Variants in TTLL11 observed in about 807,000 individuals in gnomAD.
TTLL11 encodes the protein tubulin tyrosine ligase like 11.
In TTLL11, 42 loss-of-function variants were observed where a neutral mutation model predicts 51.7. The observed-to-expected ratio is 0.81, with a 90% confidence interval of 0.64 to 1.05. The LOEUF (loss-of-function observed/expected upper bound fraction) is 1.05, where lower values mean the gene tolerates loss of function less well. TTLL11 is among the 50% of genes least tolerant of loss of function. The pLI, the probability that TTLL11 is intolerant of heterozygous loss-of-function variation, is 0.00. For synonymous variants in TTLL11, 381 were observed against 383.5 expected, an observed-to-expected ratio of 0.99 and a Z score of 0.08; for missense variants, 799 against 940.4, an observed-to-expected ratio of 0.85 and a Z score of 1.97.
chr9:121,959,740 C>T (rs1842152429), intron 6 of TTLL11, among the ~76,000 whole-genome samples: 1 of 152,062 alleles, frequency 6.6e-6, no homozygotes, highest in Non-Finnish European at 1.5e-5. Context: ...AAACATAAAC[C>T]TCATCGTGTC....
chr9:122,061,416 C>A (rs1471472783), intron 1 of TTLL11, among the ~76,000 whole-genome samples: 1 of 152,160 alleles, frequency 6.6e-6, no homozygotes, highest in Non-Finnish European at 1.5e-5. Flanking sequence ...TTTTCCATTA[C>A]ACAGAACACT....
chr9:122,029,676 T>C (rs1844467190), intron 3 of TTLL11, among the ~76,000 whole-genome samples: 1 of 152,210 alleles, frequency 6.6e-6, no homozygotes, highest in East Asian at 1.9e-4. Flanking sequence ...AAAGTTACAG[T>C]AAGCTAAGGC....
At chr9:121,962,789 T>C (rs909550909) in intron 6 of TTLL11, among the ~76,000 whole-genome samples, 1 of 152,232 alleles carries the variant, frequency 6.6e-6, no homozygotes, top group Admixed American at 6.5e-5. Context: ...TTGTGAACAT[T>C]ATTGAAAATA....
At position 121,984,853 on chromosome 9, in the gene TTLL11, T is replaced by C. The variant is rs569306055; in HGVS notation, c.1269+4342A>G. Among the ~76,000 whole-genome samples, 4 of 152,160 alleles carry C rather than the reference T, an allele frequency of 2.6e-5. No homozygotes were observed. In the East Asian group the frequency reaches 7.7e-4, roughly 29 times the overall value. On this transcript the variant is annotated intron_variant, in intron 4 of 8. Transcript: ENST00000321582. Reference sequence around the variant, plus strand: ...TCCTCTGCATGTGTTATTTCTGCCATATGATTCATCTACACTGAGACAGGC... The same window carrying C: ...TCCTCTGCATGTGTTATTTCTGCCACATGATTCATCTACACTGAGACAGGC...
intron 6 of TTLL11, among the ~76,000 whole-genome samples, chr9:121,916,919 C>T (rs2131513814): frequency 6.6e-6 from 1 of 152,270 alleles, no homozygotes; most frequent in East Asian, 1.9e-4. Flanking sequence ...CTGTTGCAGA[C>T]ACAATTAAAG....
In TTLL11 at chr9:121,821,271, A is replaced by G. The variant is rs983902722; in HGVS notation, c.*1316T>C. ...AGAAAGCTGCAGGAGCTTATTTGGG[A>G]TGCACCTCTGCCTCCCAGAACCCTC... is the stretch of plus-strand genomic sequence containing the variant. On this transcript the variant is annotated 3_prime_UTR_variant, in exon 9 of 9. Coordinates refer to ENST00000321582, the MANE Select transcript of TTLL11 (RefSeq NM_001139442.2). This position sits in a 1 kb window ranked among gnomAD's most constrained non-coding sequence, Gnocchi z 5.0. Among the ~76,000 whole-genome samples, 3 of 151,980 alleles carry G rather than the reference A, an allele frequency of 2.0e-5. No homozygotes were observed. The highest frequency in any genetic ancestry group is 4.4e-5 in the Non-Finnish European group (3 of 67,986).
At chr9:122,049,509 G>A (rs1023483042) in intron 1 of TTLL11, among the ~76,000 whole-genome samples, 1 of 152,236 alleles carries the variant, frequency 6.6e-6, no homozygotes, top group Non-Finnish European at 1.5e-5. Flanking sequence ...TACTAGTCAC[G>A]CATGAATAAC....
At chr9:121,925,364 T>G (rs1335205477) in intron 6 of TTLL11, among the ~76,000 whole-genome samples, 1 of 152,226 alleles carries the variant, frequency 6.6e-6, no homozygotes, top group African/African-American at 2.4e-5. Context: ...GGCTCCCAGA[T>G]AGGGTGGGCG....
At chr9:121,885,058 G>A (rs1838956038) in intron 6 of TTLL11, 1 of 152,164 alleles carries the variant, frequency 6.6e-6, no homozygotes, top group Admixed American at 6.5e-5. Flanking sequence ...AATTTGCCCA[G>A]ATGGGATCAA....
intron 6 of TTLL11, among the ~76,000 whole-genome samples, chr9:121,944,922 A>G (rs754523828): frequency 3.9e-5 from 6 of 152,240 alleles, no homozygotes; most frequent in Non-Finnish European, 8.8e-5. Flanking sequence ...AGTAACAGTA[A>G]TGTGTAACAA....
At chr9:121,985,486 A>G (rs17177082) in intron 4 of TTLL11, among the ~76,000 whole-genome samples, 6,644 of 151,650 alleles carry the variant, frequency 0.044, 174 homozygotes, top group Non-Finnish European at 0.055. Context: ...AGAGGGCTCC[A>G]AGGAGAAAAG....
At position 121,822,571 on chromosome 9, in the gene TTLL11, G is replaced by A; in HGVS notation, c.*16C>T. The A allele has an allele frequency of 1.8e-5, 25 of 1,427,360 alleles. No homozygotes were observed. The highest frequency in any genetic ancestry group is 2.2e-5 in the Non-Finnish European group (24 of 1,087,134). The allele number at this position is 1,427,360 out of a possible 1,614,324, so 88.4% of individuals were successfully genotyped here. A position where few individuals can be genotyped will look rare whatever the true frequency, so the allele number is the denominator to read the frequency against. ...GCTGCTCTCGTCTTCCGTTTTCCAG[G>A]AGGACAGAGTGGCCCTCAGGACAGG... is the stretch of plus-strand genomic sequence containing the variant. On this transcript the variant is annotated 3_prime_UTR_variant, in exon 9 of 9. Coordinates refer to ENST00000321582, the MANE Select transcript of TTLL11 (RefSeq NM_001139442.2). This position sits in a 1 kb window ranked among gnomAD's most constrained non-coding sequence, Gnocchi z 5.8.
chr9:121,838,953 C>A (rs756210084), intron 8 of TTLL11, among the ~76,000 whole-genome samples: 1 of 152,244 alleles, frequency 6.6e-6, no homozygotes, highest in Non-Finnish European at 1.5e-5. Context: ...CTGTAACCCA[C>A]GCCCCTGCTC....
chr9:121,970,472 G>C (rs539843166), intron 6 of TTLL11, among the ~76,000 whole-genome samples: 58 of 152,246 alleles, frequency 3.8e-4, no homozygotes, highest in Non-Finnish European at 6.6e-4. Flanking sequence ...GCCATACAAG[G>C]GCTCTTGAAC....
chr9:122,070,007 A>ACACACG (rs1487466671), intron 1 of TTLL11, among the ~76,000 whole-genome samples: 2 of 151,674 alleles, frequency 1.3e-5, no homozygotes, highest in African/African-American at 4.9e-5. Context: ...ACACACACAC[A>ACACACG]CACACGCGCA....
rs55842645 is a variant in TTLL11 at position 122,018,177 on chromosome 9, A to G, written c.693+13546T>C. The stretch of plus-strand genomic sequence containing the variant: ...GCCCAGGCTGGAGTGCAGTGGCTCA[A>G]TCTCCACTCACTGCAAGCTCTACCT... On this transcript the variant is annotated intron_variant, in intron 3 of 8. Transcript: ENST00000321582. 6.9e-3 allele frequency among the ~76,000 whole-genome samples: 1,022 copies of G among 147,748 alleles called. 9 individuals carry two copies. The highest frequency in any genetic ancestry group is 0.025 in the South Asian group (119 of 4,700).
At chr9:121,987,246 G>C (rs1842963912) in intron 4 of TTLL11, among the ~76,000 whole-genome samples, 4 of 152,142 alleles carry the variant, frequency 2.6e-5, no homozygotes, top group African/African-American at 9.7e-5. Flanking sequence ...GAAGGTTTGA[G>C]ATAATCATTT....
chr9:121,960,886 G>A (rs1400573263), intron 6 of TTLL11, among the ~76,000 whole-genome samples: 5 of 152,062 alleles, frequency 3.3e-5, no homozygotes, highest in Non-Finnish European at 5.9e-5. Flanking sequence ...GCCTGGGGGT[G>A]GATCCTCCTG....
chr9:122,089,016 CAAA>C (rs11432235), intron 1 of TTLL11, among the ~76,000 whole-genome samples: 1 of 91,926 alleles, frequency 1.1e-5, no homozygotes. Context: ...CACCCTGTCT[CAAA>C]AAAAAAAAAA....
Sources: allele counts gnomAD v4.1 joint callset (sites outside exome capture counted in the v4.1 genomes callset), GRCh38; gene constraint gnomAD v4.1.1; non-coding constraint Gnocchi (gnomAD v3.1); transcripts MANE v1.5; gene names NCBI Gene and HGNC (gene_info 2026-07-23, HGNC 2026-07-21).